Variants in FSD1L observed in about 807,000 individuals in gnomAD.
FSD1L encodes the protein FSD1-like protein.
Under a neutral mutation model 71.6 loss-of-function variants are expected in FSD1L, and 45 were observed. That is an observed-to-expected ratio of 0.63 (90% CI 0.49 to 0.81). The LOEUF is 0.81. FSD1L is among the 30% of genes least tolerant of loss of function. The pLI, the probability that FSD1L is intolerant of heterozygous loss-of-function variation, is 0.00. For synonymous variants in FSD1L, 197 were observed against 207.2 expected (o/e 0.95, Z 0.42); for missense variants, 561 against 618.1 (o/e 0.91, Z 0.98).
At chr9:105,531,205 T>G (rs545728953) in intron 10 of FSD1L, among the ~76,000 whole-genome samples, 1 of 152,316 alleles carries the variant, frequency 6.6e-6, no homozygotes, top group East Asian at 1.9e-4. Context: ...GTATCTGATT[T>G]AGTAGTTTAT....
rs529085330 is a variant in FSD1L, at chr9:105,506,242, T to C, written c.587-157T>C. 9.2e-5 allele frequency among the ~76,000 whole-genome samples: 14 copies of C among 152,354 alleles called. No individual in the cohort carries two copies. In the South Asian group the frequency reaches 2.9e-3, roughly 32 times the overall value. On this transcript the variant is annotated intron_variant, in intron 7 of 13. Transcript: ENST00000481272. Reference sequence around the variant, plus strand: ...GTACTTTGAAAATAGTTATTTTACATTTATGGGCTTTCCTTTTGCTTAATC... The same window carrying C: ...GTACTTTGAAAATAGTTATTTTACACTTATGGGCTTTCCTTTTGCTTAATC...
chr9:105,529,440 G>A lies in FSD1L; in HGVS notation c.1026-5053G>A, dbSNP rs538014225. ...CATATACACCATGGAATACTACACA[G>A]CCATAAAAAAGGATGAGTTCATGTC... On this transcript the variant is annotated intron_variant, in intron 10 of 13. Transcript: ENST00000481272. Among the ~76,000 whole-genome samples the A allele has an allele frequency of 3.3e-5, 5 of 152,280 alleles. No homozygotes were observed. In the East Asian group the frequency reaches 9.7e-4, roughly 29 times the overall value.
Position 105,495,324 on chromosome 9 carries a change from C to G in FSD1L, c.586+10822C>G, listed in dbSNP as rs148369038. 9.1e-3 allele frequency among the ~76,000 whole-genome samples: 1,380 copies of G among 152,208 alleles called. 22 individuals are homozygous for G. The highest frequency in any genetic ancestry group is 0.032 in the African/African-American group (1,322 of 41,518). ...GGAGCCAGGTGCGGGATATAATCTC[C>G]TGGTGCGCTGTTTTTAAAGCCCGTC... On this transcript the variant is annotated intron_variant, in intron 7 of 13. Transcript: ENST00000481272.
At chr9:105,460,373 C>T (rs1221414010) in intron 1 of FSD1L, among the ~76,000 whole-genome samples, 2 of 151,940 alleles carry the variant, frequency 1.3e-5, no homozygotes, top group Non-Finnish European at 2.9e-5. Flanking sequence ...GGGTGAATCA[C>T]AAGGTCAGGA....
intron 13 of FSD1L, among the ~76,000 whole-genome samples, chr9:105,545,815 G>A (rs1836962645): frequency 6.6e-6 from 1 of 152,030 alleles, no homozygotes; most frequent in South Asian, 2.1e-4. Context: ...ATAGAACATG[G>A]GAAGTACATC....
rs1044892257 is a variant in FSD1L, at chr9:105,547,927, C to G, written c.*1444C>G. 1 of 151,962 alleles carries G rather than the reference C, an allele frequency of 6.6e-6. No individual in the cohort carries two copies. Among genetic ancestry groups the G allele is most frequent in the Admixed American group, 6.6e-5 (1 of 15,246 alleles). 9.4% of individuals were successfully genotyped at this position (151,962 alleles called of 1,614,324 possible). A position where few individuals can be genotyped will look rare whatever the true frequency, so the allele number is the denominator to read the frequency against. On this transcript the variant is annotated 3_prime_UTR_variant, in exon 14 of 14. Transcript: ENST00000481272. Reference sequence around the variant, plus strand: ...TTCTTCCAAGGAGTGACCATTACTGCCTACATTTGCGTTGCTTTCTACATA... The same window carrying G: ...TTCTTCCAAGGAGTGACCATTACTGGCTACATTTGCGTTGCTTTCTACATA...
upstream of FSD1L, among the ~76,000 whole-genome samples, chr9:105,447,300 G>A (rs919007955): frequency 4.5e-5 from 6 of 132,170 alleles, no homozygotes; most frequent in African/African-American, 1.8e-4. Flanking sequence ...CTCCAGCCTC[G>A]GTGACAGACC....
chr9:105,452,707 CTTCCTTCCTTCT>C (rs1479080943), intron 1 of FSD1L, among the ~76,000 whole-genome samples: 3 of 148,876 alleles, frequency 2.0e-5, no homozygotes, highest in East Asian at 2.0e-4. Flanking sequence ...TCCTTCCTTC[CTTCCTTCCTTCT>C]TTCCTTCTTT....
At position 105,547,522 on chromosome 9, in the gene FSD1L, A is replaced by C. The variant is rs530659777; in HGVS notation, c.*1039A>C. On this transcript the variant is annotated 3_prime_UTR_variant, in exon 14 of 14. Transcript: ENST00000481272. ...AATGCTTTAAGCAATTGTTTTGAAA[A>C]AAATCTGCGTATCTTTGACTTAATT... 6.6e-6 allele frequency: 1 copy of C among 152,242 alleles called. No individual in the cohort carries two copies. Among genetic ancestry groups the C allele is most frequent in the African/African-American group, 2.4e-5 (1 of 41,578 alleles). 9.4% of individuals were successfully genotyped at this position (152,242 alleles called of 1,614,324 possible).
Position 105,506,486 on chromosome 9 carries a change from A to G in FSD1L, c.674A>G (p.Asn225Ser). Residue 225 changes from asparagine (N) to serine (S), a missense_variant, in exon 8 of 14, where the codon AAT (asparagine) becomes AGT (serine). By Grantham distance (46) the Asn-to-Ser change is conservative. This residue lies in a region of FSD1L where 410 missense variants were observed against 413.5 expected (regional missense o/e 0.99). Coordinates refer to ENST00000481272, the MANE Select transcript of FSD1L (RefSeq NM_001145313.3). ...TVAWRMPEED[N>S]KIDHFILEHR... The stretch of plus-strand genomic sequence containing the variant: ...GCTTGGAGAATGCCAGAAGAAGATA[A>G]TAAGATTGACCATTTTATACTGGAA... 1.3e-6 allele frequency: 2 copies of G among 1,551,646 alleles called. No homozygotes were observed. The highest frequency in any genetic ancestry group is 1.7e-6 in the Non-Finnish European group (2 of 1,146,878).
chr9:105,460,047 G>A (rs1229263894), intron 1 of FSD1L, among the ~76,000 whole-genome samples: 4 of 152,176 alleles, frequency 2.6e-5, no homozygotes, highest in African/African-American at 9.7e-5. Context: ...GAATGAGACT[G>A]TGTTTCTCAG....
chr9:105,545,013 T>A (rs1836890028), intron 13 of FSD1L, among the ~76,000 whole-genome samples: 1 of 152,306 alleles, frequency 6.6e-6, no homozygotes, highest in African/African-American at 2.4e-5. Flanking sequence ...TAAATTACCT[T>A]GGGCAGTATG....
chr9:105,463,193 G>C (rs1830832344), intron 2 of FSD1L, among the ~76,000 whole-genome samples: 1 of 151,890 alleles, frequency 6.6e-6, no homozygotes, highest in Admixed American at 6.6e-5. Context: ...TGTTTCCTGG[G>C]CTCCTTATCT....
At chr9:105,459,898 A>G (rs1404839545) in intron 1 of FSD1L, among the ~76,000 whole-genome samples, 1 of 152,112 alleles carries the variant, frequency 6.6e-6, no homozygotes, top group Non-Finnish European at 1.5e-5. Flanking sequence ...CTAGGCCTTT[A>G]GTCTTTGCAG....
intron 10 of FSD1L, among the ~76,000 whole-genome samples, chr9:105,529,764 A>G (rs1438329227): frequency 2.0e-5 from 3 of 152,116 alleles, no homozygotes. Context: ...AACTTTAAGT[A>G]TAATAATATT....
chr9:105,473,321 A>T (rs905024103), intron 5 of FSD1L: 13 of 152,274 alleles, frequency 8.5e-5, no homozygotes, highest in Non-Finnish European at 1.6e-4. Context: ...AAACAAAACA[A>T]AAAAAGCACT....
At chr9:105,521,688 G>GA (rs1479798683) in intron 10 of FSD1L, 1 of 1,612,968 alleles carries the variant, frequency 6.2e-7, no homozygotes, top group Non-Finnish European at 8.5e-7. Context: ...GGAAGAAGGA[G>GA]AAAAAAGAGA....
At position 105,484,451 on chromosome 9, in the gene FSD1L, G is replaced by T; in HGVS notation, c.535G>T (p.Val179Leu). The T allele has an allele frequency of 6.5e-7, 1 of 1,531,424 alleles. No individual in the cohort carries two copies. Among genetic ancestry groups the T allele is most frequent in the East Asian group, 2.5e-5 (1 of 39,648 alleles). The allele number at this position is 1,531,424 out of a possible 1,614,324, so 94.9% of individuals were successfully genotyped here. ...KVSDNMTHLMVDFSQERQMLQ... is the reference protein window; with the variant it reads ...KVSDNMTHLMLDFSQERQMLQ... ...CAGTGACAACATGACTCATTTAATG[G>T]TGGATTTCTCACAGGAAAGACAGAT... The change falls in exon 7 of 14, where the codon GTG (valine) becomes TTG (leucine). Residue 179 changes from valine to leucine, a missense_variant. Val to Leu is a conservative substitution (Grantham distance 32). Around this residue, in one of 3 missense-constraint regions of FSD1L, gnomAD observed 410 missense variants for 413.5 expected, o/e 0.99. Coordinates refer to ENST00000481272, the MANE Select transcript of FSD1L (RefSeq NM_001145313.3).
chr9:105,480,272 A>G (rs1278875088), intron 6 of FSD1L, among the ~76,000 whole-genome samples: 5 of 151,602 alleles, frequency 3.3e-5, no homozygotes, highest in Non-Finnish European at 7.4e-5. Context: ...ATCTTGGCTG[A>G]CAGTTTTACT....
Sources: gnomAD v4.1 joint callset for allele counts (sites outside exome capture counted in the v4.1 genomes callset) on GRCh38, gnomAD v4.1.1 for gene constraint, gnomAD v4.1.1 regional missense constraint, MANE v1.5 for transcripts, NCBI Gene and HGNC (gene_info 2026-07-23, HGNC 2026-07-21) for gene names.